Variants in VPS8 observed in about 807,000 individuals in gnomAD.
The protein encoded by VPS8 is VPS8 subunit of CORVET complex.
Under a neutral mutation model 216.4 loss-of-function variants are expected in VPS8, and 129 were observed. The ratio of observed to expected loss-of-function variants is 0.60; its 90% CI spans 0.52 to 0.69. The LOEUF is 0.69. Among genes scored for constraint, VPS8 ranks in the 30% least tolerant of loss-of-function variants. The pLI is 0.00. For missense variants in VPS8, 1,531 were observed against 1,683.5 expected (o/e 0.91, Z 1.59); for synonymous variants, 571 against 565.4 (o/e 1.01, Z -0.14).
intron 45 of VPS8, among the ~76,000 whole-genome samples, chr3:185,023,600 A>G (rs1256179968): frequency 2.0e-5 from 3 of 152,120 alleles, no homozygotes; most frequent in Non-Finnish European, 4.4e-5. Context: ...GGAGGTTGCA[A>G]TGAGCCAAGA....
intron 45 of VPS8, among the ~76,000 whole-genome samples, chr3:185,016,564 G>C (rs755292061): frequency 3.3e-5 from 5 of 152,190 alleles, no homozygotes; most frequent in Admixed American, 6.5e-5. Flanking sequence ...ACTGTTCACA[G>C]TCCTGCTCAG....
chr3:185,032,566 G>T (rs1413475132), intron 46 of VPS8, among the ~76,000 whole-genome samples: 1 of 152,124 alleles, frequency 6.6e-6, no homozygotes, highest in Non-Finnish European at 1.5e-5. Flanking sequence ...GCTGAGAATA[G>T]GTCAGAGTTC....
chr3:184,988,222 T>C (rs1005662594), intron 42 of VPS8, among the ~76,000 whole-genome samples: 6 of 152,254 alleles, frequency 3.9e-5, no homozygotes, highest in Admixed American at 2.0e-4. Flanking sequence ...TGATGTTGTA[T>C]GTAAAAACTC....
chr3:184,912,263 G>A (rs913275082), intron 25 of VPS8, among the ~76,000 whole-genome samples: 1 of 152,198 alleles, frequency 6.6e-6, no homozygotes, highest in Non-Finnish European at 1.5e-5. Flanking sequence ...AGGTACAACA[G>A]TAAAGTAAAC....
intron 21 of VPS8, among the ~76,000 whole-genome samples, chr3:184,884,783 A>G (rs923039464): frequency 1.3e-5 from 2 of 152,186 alleles, no homozygotes; most frequent in Admixed American, 1.3e-4. Flanking sequence ...AACCTACACG[A>G]TAGGATTGGT....
intron 21 of VPS8, among the ~76,000 whole-genome samples, chr3:184,873,251 T>G (rs1405618931): frequency 2.0e-5 from 3 of 152,098 alleles, no homozygotes; most frequent in African/African-American, 7.2e-5. Flanking sequence ...GAGATGGGAC[T>G]CATATCCAGG....
chr3:184,851,991 C>T (rs1346668669), intron 10 of VPS8, among the ~76,000 whole-genome samples: 3 of 152,056 alleles, frequency 2.0e-5, no homozygotes, highest in Non-Finnish European at 2.9e-5. Context: ...GGAGGTAGCA[C>T]GTTTTGGGAA....
chr3:184,972,823 A>G (rs1379782154), intron 40 of VPS8, among the ~76,000 whole-genome samples: 1 of 152,282 alleles, frequency 6.6e-6, no homozygotes, highest in African/African-American at 2.4e-5. Context: ...AAGTTGTATC[A>G]TGATATGGCT....
chr3:185,024,045 A>T (rs1381302883), intron 45 of VPS8, among the ~76,000 whole-genome samples: 2 of 152,226 alleles, frequency 1.3e-5, no homozygotes, highest in Non-Finnish European at 2.9e-5. Context: ...TTTGCTTAAC[A>T]TCATCACCAA....
chr3:184,972,277 G>A (rs1367298778), intron 40 of VPS8, among the ~76,000 whole-genome samples: 1 of 152,190 alleles, frequency 6.6e-6, no homozygotes, highest in East Asian at 1.9e-4. Context: ...GTTTGGCTGT[G>A]CTGCAAAACT....
At chr3:184,885,229 G>A (rs936598303) in intron 21 of VPS8, among the ~76,000 whole-genome samples, 3 of 152,054 alleles carry the variant, frequency 2.0e-5, no homozygotes, top group Admixed American at 1.3e-4. Flanking sequence ...TTCACGTAGT[G>A]CCTTCTCCCT....
intron 45 of VPS8, among the ~76,000 whole-genome samples, chr3:185,004,252 C>T (rs896289092): frequency 1.2e-4 from 18 of 152,180 alleles, no homozygotes; most frequent in East Asian, 3.9e-4. Flanking sequence ...CCGAGGCTGG[C>T]GGATCACTCG....
chr3:184,915,332 A>C (rs1429963012), intron 27 of VPS8, 23 bp from the exon 28 acceptor site: 1 of 1,607,322 alleles, frequency 6.2e-7, no homozygotes, highest in Non-Finnish European at 8.5e-7. Context: ...GAAAATAATC[A>C]ACATTTTTTT....
intron 1 of VPS8, among the ~76,000 whole-genome samples, chr3:184,815,250 T>A (rs9853584): frequency 2.0e-5 from 3 of 152,174 alleles, no homozygotes; most frequent in African/African-American, 7.2e-5. Context: ...ATACATAAAC[T>A]GGCACATAGT....
chr3:184,855,052 C>G (rs1724992141), intron 13 of VPS8, among the ~76,000 whole-genome samples: 1 of 152,026 alleles, frequency 6.6e-6, no homozygotes, highest in African/African-American at 2.4e-5. Flanking sequence ...TTTCAGATGG[C>G]AAAACTGGCT....
At chr3:184,938,649 C>CTTTTTTTTT (rs113635324) in intron 35 of VPS8, among the ~76,000 whole-genome samples, 6 of 140,722 alleles carry the variant, frequency 4.3e-5, no homozygotes, top group African/African-American at 1.3e-4. Flanking sequence ...TTCTTTTTTT[C>CTTTTTTTTT]TTTTTTTTTT....
intron 46 of VPS8, among the ~76,000 whole-genome samples, chr3:185,034,944 A>AT (rs1313023077): frequency 6.6e-6 from 1 of 152,200 alleles, no homozygotes; most frequent in Non-Finnish European, 1.5e-5. Flanking sequence ...GAAATAGAAA[A>AT]GACTTTCCGA....
At chr3:185,031,079 T>G (rs1319146147) in intron 46 of VPS8, among the ~76,000 whole-genome samples, 3 of 148,752 alleles carry the variant, frequency 2.0e-5, no homozygotes, top group South Asian at 4.3e-4. Flanking sequence ...TTTTTTTTTT[T>G]TTTTTTTTTT....
chr3:185,006,617 A>G (rs1034824037), intron 45 of VPS8, among the ~76,000 whole-genome samples: 1 of 152,218 alleles, frequency 6.6e-6, no homozygotes, highest in Non-Finnish European at 1.5e-5. Flanking sequence ...TTTCTATTAA[A>G]TTTTGTTATA....
Sources: allele counts gnomAD v4.1 joint callset (sites outside exome capture counted in the v4.1 genomes callset), GRCh38; gene constraint gnomAD v4.1.1; transcripts MANE v1.5; gene names NCBI Gene and HGNC (gene_info 2026-07-23, HGNC 2026-07-21).